Variants in DIAPH2 observed in about 807,000 individuals in gnomAD.
DIAPH2 encodes the protein diaphanous related formin 2.
DIAPH2 carries 35 observed loss-of-function variants against 92.7 expected under a neutral mutation model. The ratio of observed to expected loss-of-function variants is 0.38; its 90% CI spans 0.29 to 0.50. The LOEUF (loss-of-function observed/expected upper bound fraction) is 0.50, where lower values mean the gene tolerates loss of function less well. Among genes scored for constraint, DIAPH2 ranks in the 20% least tolerant of loss-of-function variants. DIAPH2 has a pLI of 0.94. For missense variants in DIAPH2, 701 were observed against 819.5 expected, an observed-to-expected ratio of 0.86 and a Z score of 1.77; for synonymous variants, 301 against 280.4, an observed-to-expected ratio of 1.07 and a Z score of -0.73.
intron 21 of DIAPH2, among the ~76,000 whole-genome samples, chrX:97,132,898 A>G (rs2067147012): frequency 9.1e-6 from 1 of 110,446 alleles, no homozygotes; most frequent in African/African-American, 3.4e-5. Flanking sequence ...TTTCCTTGAC[A>G]CAGAAGGATT....
At chrX:97,589,559 T>C (rs1230451043) in intron 26 of DIAPH2, among the ~76,000 whole-genome samples, 1 of 111,426 alleles carries the variant, frequency 9.0e-6, no homozygotes. Flanking sequence ...CCAATGTTTG[T>C]AGGTTCCCTG....
chrX:97,315,146 A>G lies in DIAPH2; in HGVS notation c.2845-32970A>G, dbSNP rs780982044. 4.4e-4 allele frequency among the ~76,000 whole-genome samples: 49 copies of G among 110,894 alleles called. 1 individual carries two copies. Among genetic ancestry groups the G allele is most frequent in the African/African-American group, 1.6e-3 (48 of 30,546 alleles). ...CTTAAAGACCCTATAAGAGAGAAAA[A>G]CAGGTATACAAGTCAGTTGCCATGG... is the stretch of plus-strand genomic sequence containing the variant. On this transcript the variant is annotated intron_variant, in intron 23 of 26. Coordinates refer to ENST00000324765, the MANE Select transcript of DIAPH2 (RefSeq NM_006729.5).
intron 3 of DIAPH2, among the ~76,000 whole-genome samples, chrX:96,749,749 C>G (rs780615963): frequency 9.0e-6 from 1 of 111,673 alleles, no homozygotes; most frequent in East Asian, 2.8e-4. Context: ...AAGATGGGCT[C>G]TTTCCATTTT....
At chrX:97,517,942 A>C (rs1348872516) in intron 26 of DIAPH2, among the ~76,000 whole-genome samples, 3 of 112,449 alleles carry the variant, frequency 2.7e-5, no homozygotes, top group African/African-American at 9.7e-5. Context: ...AGGATGAGCA[A>C]GATGTTAGTC....
At chrX:97,252,230 T>C (rs1233397037) in intron 23 of DIAPH2, among the ~76,000 whole-genome samples, 1 of 111,770 alleles carries the variant, frequency 8.9e-6, no homozygotes, top group African/African-American at 3.3e-5. Flanking sequence ...TTGCCCAAAA[T>C]CAGCTTAGCT....
intron 4 of DIAPH2, among the ~76,000 whole-genome samples, chrX:96,825,120 ATTT>A (rs72064770): frequency 1.1e-5 from 1 of 89,428 alleles, no homozygotes; most frequent in Admixed American, 1.2e-4. Context: ...TAATTTTTGT[ATTT>A]TTTTTTTTTT....
chrX:97,084,029 T>C (rs1347997525), intron 19 of DIAPH2, among the ~76,000 whole-genome samples: 1 of 111,061 alleles, frequency 9.0e-6, no homozygotes, highest in Non-Finnish European at 1.9e-5. Flanking sequence ...CTTTACCACA[T>C]AGTATTTACA....
intron 23 of DIAPH2, among the ~76,000 whole-genome samples, chrX:97,278,960 T>C (rs751256608): frequency 1.2e-3 from 136 of 112,504 alleles, no homozygotes; most frequent in Non-Finnish European, 2.1e-3. Context: ...TTCACCTCTC[T>C]AGACTTTGGT....
chrX:96,832,087 G>GA (rs933859137), intron 4 of DIAPH2, among the ~76,000 whole-genome samples: 1 of 111,348 alleles, frequency 9.0e-6, no homozygotes, highest in Non-Finnish European at 1.9e-5. Context: ...TAATAATTGA[G>GA]AAAAAAGGTA....
rs1346787541 is a variant in DIAPH2, at chrX:96,936,027, C to T, written c.1090-1206C>T. 4.5e-5 allele frequency among the ~76,000 whole-genome samples: 5 copies of T among 111,678 alleles called. No homozygotes were observed. The Admixed American group carries it at 4.8e-4, about 11-fold the overall frequency. On this transcript the variant is annotated intron_variant, in intron 10 of 26. Coordinates refer to ENST00000324765, the MANE Select transcript of DIAPH2 (RefSeq NM_006729.5). ...GACCCAGCAATGTTAGATGATTTTG[C>T]ATTCTAATAAATTTCTTCATTCCAT...
intron 26 of DIAPH2, among the ~76,000 whole-genome samples, chrX:97,462,318 C>T (rs2070466455): frequency 8.9e-6 from 1 of 112,232 alleles, no homozygotes; most frequent in South Asian, 3.7e-4. Context: ...CTGTGTAGTT[C>T]ATATGAATTA....
chrX:96,850,310 G>A (rs919790900), intron 4 of DIAPH2, among the ~76,000 whole-genome samples: 1 of 112,016 alleles, frequency 8.9e-6, no homozygotes, highest in Non-Finnish European at 1.9e-5. Flanking sequence ...AATAATAATA[G>A]CTAATCTTTA....
chrX:96,795,192 A>G (rs1218724658), intron 4 of DIAPH2, among the ~76,000 whole-genome samples: 1 of 111,981 alleles, frequency 8.9e-6, no homozygotes, highest in East Asian at 2.8e-4. Flanking sequence ...GTCTGTACCA[A>G]AACTAACTAT....
intron 4 of DIAPH2, among the ~76,000 whole-genome samples, chrX:96,833,284 G>C (rs1408077472): frequency 9.0e-6 from 1 of 111,119 alleles, no homozygotes; most frequent in East Asian, 2.8e-4. Flanking sequence ...AATGCTGTGA[G>C]AGAATTTGAA....
intron 26 of DIAPH2, among the ~76,000 whole-genome samples, chrX:97,493,364 C>CCTCCTGAG (rs1464154058): frequency 1.5e-4 from 17 of 111,220 alleles, no homozygotes; most frequent in Middle Eastern, 4.7e-3. Context: ...CGGGTTCAAG[C>CCTCCTGAG]TATTCTCCTG....
At chrX:96,750,051 GTTTTTTTTTTTTT>G (rs753887199) in intron 3 of DIAPH2, among the ~76,000 whole-genome samples, 1 of 71,044 alleles carries the variant, frequency 1.4e-5, no homozygotes, top group South Asian at 7.7e-4. Context: ...TATATTTCAA[GTTTTTTTTTTTTT>G]TTTTTTTTTT....
intron 23 of DIAPH2, among the ~76,000 whole-genome samples, chrX:97,303,294 A>C (rs1176372490): frequency 9.0e-6 from 1 of 111,647 alleles, no homozygotes; most frequent in Non-Finnish European, 1.9e-5. Context: ...TTTGTTTTTC[A>C]ATTCCATCCT....
At chrX:97,390,517 ATTTTCTTTTC>A (rs763323044) in intron 25 of DIAPH2, among the ~76,000 whole-genome samples, 18 of 107,533 alleles carry the variant, frequency 1.7e-4, no homozygotes, top group East Asian at 5.9e-4. Context: ...TGCCTGGCCT[ATTTTCTTTTC>A]TTTTCTTTTC....
At chrX:97,292,398 C>G (rs960117931) in intron 23 of DIAPH2, among the ~76,000 whole-genome samples, 4 of 111,497 alleles carry the variant, frequency 3.6e-5, no homozygotes, top group African/African-American at 1.3e-4. Flanking sequence ...CCTCTCATTA[C>G]AGAGATCCAC....
Sources: allele counts gnomAD v4.1 joint callset (sites outside exome capture counted in the v4.1 genomes callset), GRCh38; gene constraint gnomAD v4.1.1; transcripts MANE v1.5; gene names NCBI Gene and HGNC (gene_info 2026-07-23, HGNC 2026-07-21).